RARB: variants seen among roughly 807,000 people sequenced by gnomAD.
The protein encoded by RARB is retinoic acid receptor beta, also known as HBV-activated protein.
Under a neutral mutation model 51.9 loss-of-function variants are expected in RARB, and 17 were observed. The ratio of observed to expected loss-of-function variants is 0.33; its 90% confidence interval spans 0.22 to 0.49. RARB has a LOEUF of 0.49. Among genes scored for constraint, RARB ranks in the 20% least tolerant of loss-of-function variants. The probability of loss-of-function intolerance (pLI) is 0.99; values close to 1 mark genes in which losing one functional copy is unlikely to be tolerated. For synonymous variants in RARB, 215 were observed against 195.4 expected (o/e 1.10, Z -0.84); for missense variants, 369 against 550.8 (o/e 0.67, Z 3.30).
chr3:25,329,687 T>C (rs1471186035), intron 5 of RARB, among the ~76,000 whole-genome samples: 1 of 152,134 alleles, frequency 6.6e-6, no homozygotes, highest in Non-Finnish European at 1.5e-5. Flanking sequence ...AGAAGAAGAC[T>C]TCAGACGATC....
chr3:25,109,646 C>G (rs1575164604), intron 3 of RARB, among the ~76,000 whole-genome samples: 1 of 152,198 alleles, frequency 6.6e-6, no homozygotes, highest in East Asian at 1.9e-4. Context: ...TCATTTCCAG[C>G]TGGACACCTA....
chr3:25,056,073 TA>T (rs1698435606), intron 2 of RARB, among the ~76,000 whole-genome samples: 1 of 152,096 alleles, frequency 6.6e-6, no homozygotes, highest in African/African-American at 2.4e-5. Context: ...GCCCAACTCT[TA>T]GTGTCATCTT....
chr3:25,330,073 C>G (rs926639630), intron 5 of RARB, among the ~76,000 whole-genome samples: 1 of 152,106 alleles, frequency 6.6e-6, no homozygotes, highest in African/African-American at 2.4e-5. Context: ...ACAATGGAAC[C>G]AAGTTGGAAA....
At chr3:25,029,758 C>G (rs1184362864) in intron 2 of RARB, among the ~76,000 whole-genome samples, 1 of 152,186 alleles carries the variant, frequency 6.6e-6, no homozygotes, top group Non-Finnish European at 1.5e-5. Flanking sequence ...AGCAGTGCTG[C>G]TTTTCATTTT....
rs137922037 is a variant in RARB at position 25,203,509 on chromosome 3, G to A, written c.178+28934G>A. Among the ~76,000 whole-genome samples, 745 of 152,298 alleles carry A rather than the reference G, an allele frequency of 4.9e-3. 12 individuals carry two copies. Among genetic ancestry groups the A allele is most frequent in the Admixed American group, 0.034 (516 of 15,296 alleles). On this transcript the variant is annotated intron_variant, in intron 5 of 11. Transcript: ENST00000383772. ...CTGGTTATTTTGCTCATTAGTTGAT[G>A]CAGTTTCTTCCTAGCCTTGATGGTC... is the stretch of plus-strand genomic sequence containing the variant.
At chr3:24,907,776 G>C (rs997059615) in intron 2 of RARB, among the ~76,000 whole-genome samples, 1 of 151,830 alleles carries the variant, frequency 6.6e-6, no homozygotes, top group Non-Finnish European at 1.5e-5. Flanking sequence ...CCTAACTAAA[G>C]CTAAACAGAT....
chr3:24,914,617 G>A lies in RARB; in HGVS notation c.-380+55865G>A, dbSNP rs555848306. On this transcript the variant is annotated intron_variant, in intron 2 of 11. Transcript: ENST00000383772. ...TATTTGCATATAACCTGCACACATC[G>A]TCCTGTATACTTTAAATCATCTCCA... is the stretch of plus-strand genomic sequence containing the variant. 2.4e-4 allele frequency among the ~76,000 whole-genome samples: 37 copies of A among 152,170 alleles called. 1 individual carries two copies. In the East Asian group the frequency reaches 2.9e-3, roughly 12 times the overall value.
intron 2 of RARB, among the ~76,000 whole-genome samples, chr3:25,040,960 T>G (rs1038708415): frequency 6.6e-6 from 1 of 152,220 alleles, no homozygotes; most frequent in Non-Finnish European, 1.5e-5. Context: ...CAAAAGTTTT[T>G]GGTTGCATCA....
At chr3:25,384,061 A>C (rs1193787584) in intron 5 of RARB, among the ~76,000 whole-genome samples, 2 of 152,214 alleles carry the variant, frequency 1.3e-5, no homozygotes, top group Non-Finnish European at 2.9e-5. Context: ...GAAGAAAAAA[A>C]CAGAAACATA....
intron 5 of RARB, among the ~76,000 whole-genome samples, chr3:25,330,058 C>T (rs971024411): frequency 2.6e-5 from 4 of 152,082 alleles, no homozygotes; most frequent in East Asian, 1.9e-4. Context: ...CTGAAAGTGA[C>T]GGGGACAATG....
At chr3:24,965,290 T>C (rs1696231909) in intron 2 of RARB, among the ~76,000 whole-genome samples, 1 of 152,138 alleles carries the variant, frequency 6.6e-6, no homozygotes, top group Non-Finnish European at 1.5e-5. Flanking sequence ...TTCCAAATCC[T>C]GGAATAGAGT....
rs1701161989 is a variant in RARB at position 25,193,816 on chromosome 3, T to G, written c.178+19241T>G. On this transcript the variant is annotated intron_variant, in intron 5 of 11. Coordinates refer to the RARB transcript ENST00000383772. ...GGCAACTATATAAACGTGCAATATT[T>G]ACATTTTCTGTGTTTATATGACATA... Among the ~76,000 whole-genome samples, 4 of 152,026 alleles carry G rather than the reference T, an allele frequency of 2.6e-5. No homozygotes were observed. In the South Asian group the frequency reaches 8.3e-4, roughly 31 times the overall value.
chr3:25,321,671 C>T (rs1352141302), intron 5 of RARB, among the ~76,000 whole-genome samples: 2 of 151,696 alleles, frequency 1.3e-5, no homozygotes, highest in Admixed American at 1.3e-4. Context: ...GAGCCGAGAT[C>T]ATGCCACTGT....
At chr3:25,163,501 C>CAAAAAAAAAAAAAAAAA (rs1385452358) in intron 4 of RARB, among the ~76,000 whole-genome samples, 1 of 78,688 alleles carries the variant, frequency 1.3e-5, no homozygotes, top group African/African-American at 5.7e-5. Context: ...GACCCTATCT[C>CAAAAAAAAAAAAAAAAA]AAAATATATA....
intron 5 of RARB, among the ~76,000 whole-genome samples, chr3:25,589,275 C>T (rs1482607906): frequency 2.0e-5 from 3 of 152,058 alleles, no homozygotes; most frequent in Admixed American, 6.5e-5. Flanking sequence ...AGTGAGTCAT[C>T]GAAGCTTCAC....
rs1697221188 is a variant in RARB, at chr3:25,500,121, T to C, written c.307-1061T>C. 2.0e-5 allele frequency among the ~76,000 whole-genome samples: 3 copies of C among 152,250 alleles called. No individual in the cohort carries two copies. The South Asian group carries it at 6.2e-4, about 31-fold the overall frequency. ...GAAAATATTTTGTATATGTGGTGTT[T>C]AATATGGTAGCTATGGGCCAGATGT... is the stretch of plus-strand genomic sequence containing the variant. On this transcript the variant is annotated intron_variant, in intron 2 of 7. Coordinates refer to ENST00000330688, the MANE Select transcript of RARB (RefSeq NM_000965.5).
At chr3:24,933,609 C>T (rs1293699273) in intron 2 of RARB, among the ~76,000 whole-genome samples, 2 of 152,060 alleles carry the variant, frequency 1.3e-5, no homozygotes, top group African/African-American at 4.8e-5. Context: ...CATATACTCA[C>T]AGCTGCATTC....
intron 1 of RARB, among the ~76,000 whole-genome samples, chr3:24,843,527 G>T (rs1485755910): frequency 6.6e-6 from 1 of 152,080 alleles, no homozygotes; most frequent in Non-Finnish European, 1.5e-5. Flanking sequence ...TTTAAAGTGA[G>T]TTCCACACAC....
At chr3:25,316,244 G>A (rs1441655626) in intron 5 of RARB, among the ~76,000 whole-genome samples, 1 of 152,046 alleles carries the variant, frequency 6.6e-6, no homozygotes, top group East Asian at 1.9e-4. Context: ...CTATCTAGAG[G>A]TAGGGAGTGT....
Sources: gnomAD v4.1 joint callset for allele counts (sites outside exome capture counted in the v4.1 genomes callset) on GRCh38, gnomAD v4.1.1 for gene constraint, MANE v1.5 for transcripts, NCBI Gene and HGNC (gene_info 2026-07-23, HGNC 2026-07-21) for gene names.